The following DLGAP2 variants were observed in gnomAD, a reference collection of about 807,000 sequenced individuals.
The protein encoded by DLGAP2 is DLG associated protein 2.
A neutral mutation model predicts 100.3 loss-of-function variants in DLGAP2; 26 were observed. The ratio of observed to expected loss-of-function variants is 0.26; its 90% CI spans 0.19 to 0.36. The LOEUF (loss-of-function observed/expected upper bound fraction) is 0.36. Among genes scored for constraint, DLGAP2 ranks in the 10% least tolerant of loss-of-function variants. DLGAP2 has a pLI of 1.00. For missense variants in DLGAP2, 1,858 were observed against 1,453.2 expected, an observed-to-expected ratio of 1.28 and a Z score of -4.53; for synonymous variants, 886 against 630.1, an observed-to-expected ratio of 1.41 and a Z score of -6.08.
intron 6 of DLGAP2, among the ~76,000 whole-genome samples, chr8:1,622,686 A>G (rs201174150): frequency 2.6e-5 from 4 of 152,224 alleles, no homozygotes; most frequent in Non-Finnish European, 5.9e-5. Context: ...TAGAACAAAA[A>G]CATTTCTGTG....
intron 2 of DLGAP2, among the ~76,000 whole-genome samples, chr8:1,043,078 T>C (rs1369677740): frequency 3.2e-4 from 41 of 126,942 alleles, no homozygotes; most frequent in African/African-American, 1.2e-3. Flanking sequence ...GGGTGGTGGA[T>C]GTGGGAGGTG....
At chr8:1,165,000 G>C (rs1796986270) in intron 2 of DLGAP2, among the ~76,000 whole-genome samples, 1 of 152,134 alleles carries the variant, frequency 6.6e-6, no homozygotes, top group South Asian at 2.1e-4. Context: ...GTTGGAGACT[G>C]TTATGAGTTC....
chr8:1,341,282 C>G (rs1263383320), intron 3 of DLGAP2, among the ~76,000 whole-genome samples: 8 of 152,170 alleles, frequency 5.3e-5, no homozygotes, highest in African/African-American at 1.9e-4. Context: ...AAATATTCTC[C>G]TTTTGTTTGA....
chr8:1,377,008 G>A (rs190111093), intron 3 of DLGAP2, among the ~76,000 whole-genome samples: 6 of 152,250 alleles, frequency 3.9e-5, no homozygotes, highest in African/African-American at 1.4e-4. Flanking sequence ...ACATGCTTCA[G>A]CAGAACCACA....
At chr8:1,228,743 A>G (rs572998808) in intron 2 of DLGAP2, among the ~76,000 whole-genome samples, 5 of 152,368 alleles carry the variant, frequency 3.3e-5, no homozygotes, top group Admixed American at 6.5e-5. Flanking sequence ...ACACCTCTTC[A>G]TAACACTCAA....
chr8:921,133 C>A (rs147278768), intron 2 of DLGAP2, among the ~76,000 whole-genome samples: 1 of 152,262 alleles, frequency 6.6e-6, no homozygotes, highest in East Asian at 1.9e-4. Context: ...TCTCCTTCTG[C>A]GAGATTTCAT....
intron 7 of DLGAP2, among the ~76,000 whole-genome samples, chr8:1,631,794 G>A (rs1797653636): frequency 6.6e-6 from 1 of 152,220 alleles, no homozygotes; most frequent in Non-Finnish European, 1.5e-5. Flanking sequence ...GTCACCTCAG[G>A]TGAAACCAGA....
intron 2 of DLGAP2, among the ~76,000 whole-genome samples, chr8:1,222,976 C>G (rs771755311): frequency 6.6e-6 from 1 of 152,110 alleles, no homozygotes; most frequent in South Asian, 2.1e-4. Context: ...GGGACGGGTG[C>G]CCATGGCTGA....
At chr8:1,453,287 C>T (rs918916029) in intron 3 of DLGAP2, among the ~76,000 whole-genome samples, 1 of 152,086 alleles carries the variant, frequency 6.6e-6, no homozygotes, top group African/African-American at 2.4e-5. Context: ...CAGGAGGAGC[C>T]TGGGGAGGTG....
At chr8:1,277,048 C>A (rs1481263447) in intron 3 of DLGAP2, among the ~76,000 whole-genome samples, 1 of 152,084 alleles carries the variant, frequency 6.6e-6, no homozygotes, top group East Asian at 1.9e-4. Context: ...GAAATTTAAG[C>A]TGTTTCTAAT....
Position 1,548,661 on chromosome 8 carries a change from A to G in DLGAP2, c.208A>G (p.Asn70Asp), listed in dbSNP as rs752827147. Residue 70 changes from asparagine (N) to aspartate (D), a missense_variant, in exon 5 of 15, where the codon AAT (asparagine) becomes GAT (aspartate). By Grantham distance (23) the Asn-to-Asp change is conservative. Coordinates refer to ENST00000637795, the MANE Select transcript of DLGAP2 (RefSeq NM_001346810.2). ...CTCATGGTCGCCCACGCAGCACTTCAATGAGGAGCGCTACTCGCCCGCGCC... is the reference window on the plus strand; with the variant it reads ...CTCATGGTCGCCCACGCAGCACTTCGATGAGGAGCGCTACTCGCCCGCGCC... ...QYSWSPTQHFNEERYSPAPRS... is the reference protein window; with the variant it reads ...QYSWSPTQHFDEERYSPAPRS... 2 of 1,584,676 alleles carry G rather than the reference A, an allele frequency of 1.3e-6. No homozygotes were observed. Among genetic ancestry groups the G allele is most frequent in the South Asian group, 2.3e-5 (2 of 87,778 alleles).
intron 2 of DLGAP2, among the ~76,000 whole-genome samples, chr8:1,043,916 C>G (rs1026365918): frequency 6.6e-6 from 1 of 151,700 alleles, no homozygotes; most frequent in Non-Finnish European, 1.5e-5. Flanking sequence ...GAGAGACGGG[C>G]AGTGAGATCT....
At chr8:1,303,836 G>A (rs931945452) in intron 3 of DLGAP2, among the ~76,000 whole-genome samples, 3 of 152,196 alleles carry the variant, frequency 2.0e-5, no homozygotes, top group Admixed American at 6.5e-5. Flanking sequence ...CGGGACTCCC[G>A]GGAGGCACCC....
chr8:1,549,290 G>T lies in DLGAP2; in HGVS notation c.837G>T (p.Lys279Asn). 6.2e-7 allele frequency: 1 copy of T among 1,612,248 alleles called. No individual in the cohort carries two copies. Among genetic ancestry groups the T allele is most frequent in the Non-Finnish European group, 8.5e-7 (1 of 1,179,636 alleles). The part of the protein sequence containing the change: ...AHHAKHSKRS[K>N]SKERKPEGKP... ...ACGCCAAGCACAGCAAGAGGAGCAA[G>T]AGCAAGGAGCGCAAGCCGGAGGGCA... is the stretch of plus-strand genomic sequence containing the variant. The change falls in exon 5 of 15, where the codon AAG (lysine) becomes AAT (asparagine). Residue 279 changes from lysine (K) to asparagine (N), a missense_variant. Coordinates refer to ENST00000637795, the MANE Select transcript of DLGAP2 (RefSeq NM_001346810.2).
chr8:1,341,122 CTAAT>C (rs1373061448), intron 3 of DLGAP2, among the ~76,000 whole-genome samples: 1 of 152,108 alleles, frequency 6.6e-6, no homozygotes, highest in Non-Finnish European at 1.5e-5. Context: ...AGGAAAGTAA[CTAAT>C]TGATAGTAGG....
At chr8:1,553,779 A>C (rs1009389065) in intron 5 of DLGAP2, among the ~76,000 whole-genome samples, 2 of 152,160 alleles carry the variant, frequency 1.3e-5, no homozygotes, top group African/African-American at 4.8e-5. Context: ...CATTCTCTGA[A>C]CGACGTGTCT....
intron 13 of DLGAP2, among the ~76,000 whole-genome samples, chr8:1,696,117 GTTGAATGTTGACCCA>G (rs1269111558): frequency 6.6e-6 from 1 of 152,204 alleles, no homozygotes; most frequent in Non-Finnish European, 1.5e-5. Context: ...AGCAAATCCA[GTTGAATGTTGACCCA>G]CCAGAACCTC....
At chr8:1,257,425 C>G (rs1312991059) in intron 2 of DLGAP2, among the ~76,000 whole-genome samples, 1 of 152,132 alleles carries the variant, frequency 6.6e-6, no homozygotes, top group Non-Finnish European at 1.5e-5. Flanking sequence ...ACCTCTCTGC[C>G]TGCCCCTCCA....
At chr8:1,150,947 A>G (rs1563217476) in intron 2 of DLGAP2, among the ~76,000 whole-genome samples, 1 of 152,234 alleles carries the variant, frequency 6.6e-6, no homozygotes, top group Non-Finnish European at 1.5e-5. Flanking sequence ...TATTATTTGG[A>G]TATAATTATT....
Sources: gnomAD v4.1 joint callset for allele counts (sites outside exome capture counted in the v4.1 genomes callset) on GRCh38, gnomAD v4.1.1 for gene constraint, MANE v1.5 for transcripts, NCBI Gene and HGNC (gene_info 2026-07-23, HGNC 2026-07-21) for gene names.